Variants in ARAP2 observed in about 807,000 individuals in gnomAD.
The protein encoded by ARAP2 is arf-GAP with Rho-GAP domain, ANK repeat and PH domain-containing protein 2.
Under a neutral mutation model 194.5 loss-of-function variants are expected in ARAP2, and 148 were observed. The observed-to-expected ratio is 0.76, with a 90% CI of 0.67 to 0.87. The LOEUF (loss-of-function observed/expected upper bound fraction) is 0.87, where lower values mean the gene tolerates loss of function less well. Ranked by LOEUF, ARAP2 falls within the 40% of genes least tolerant of loss-of-function variation. The probability of loss-of-function intolerance (pLI) is 0.00; values close to 1 mark genes in which losing one functional copy is unlikely to be tolerated. For missense variants in ARAP2, 2,128 were observed against 1,989.7 expected, an observed-to-expected ratio of 1.07 and a Z score of -1.32; for synonymous variants, 695 against 683.5, an observed-to-expected ratio of 1.02 and a Z score of -0.26.
intron 4 of ARAP2, 119 bp from the exon 5 acceptor site, chr4:36,212,606 A>C: frequency 3.4e-6 from 2 of 592,904 alleles, no homozygotes; most frequent in Non-Finnish European, 5.9e-6. Flanking sequence ...AGTTTTATTA[A>C]ATAAGTCTAA....
intron 27 of ARAP2, among the ~76,000 whole-genome samples, chr4:36,097,981 A>G (rs1715777737): frequency 6.6e-6 from 1 of 152,126 alleles, no homozygotes. Context: ...GAAACAAAGC[A>G]GAATGGCCAA....
At chr4:36,076,602 C>G (rs914651298) in intron 31 of ARAP2, among the ~76,000 whole-genome samples, 1 of 151,904 alleles carries the variant, frequency 6.6e-6, no homozygotes, top group Admixed American at 6.6e-5. Context: ...TTCTCTCTCT[C>G]TCCCCAACCC....
chr4:36,044,039 G>C (rs1052067311), intron 5 of ARAP2, among the ~76,000 whole-genome samples: 1 of 152,016 alleles, frequency 6.6e-6, no homozygotes, highest in Non-Finnish European at 1.5e-5. Context: ...CAGGAAATGC[G>C]CACCAGTATG....
chr4:36,005,726 T>C (rs1258395630), intron 10 of ARAP2: 1 of 152,182 alleles, frequency 6.6e-6, no homozygotes, highest in African/African-American at 2.4e-5. Flanking sequence ...GTCTTTCACA[T>C]AGCCCTTAAG....
At chr4:36,026,082 T>C (rs984568718) in intron 5 of ARAP2, among the ~76,000 whole-genome samples, 1 of 152,170 alleles carries the variant, frequency 6.6e-6, no homozygotes, top group Non-Finnish European at 1.5e-5. Context: ...TACTCAAAAA[T>C]TTCTTTCTCA....
intron 21 of ARAP2, among the ~76,000 whole-genome samples, chr4:36,125,531 C>A (rs929961710): frequency 6.6e-6 from 1 of 151,886 alleles, no homozygotes; most frequent in Admixed American, 6.6e-5. Context: ...GTTGAGAGTG[C>A]AATGGAAGAA....
intron 2 of ARAP2, among the ~76,000 whole-genome samples, chr4:36,219,919 A>G (rs1364815857): frequency 6.6e-6 from 1 of 152,162 alleles, no homozygotes; most frequent in East Asian, 1.9e-4. Flanking sequence ...ATAAGATTGC[A>G]ATTTTTTAAG....
intron 19 of ARAP2, among the ~76,000 whole-genome samples, chr4:36,136,929 C>CGT (rs1726950932): frequency 1.5e-4 from 4 of 26,368 alleles, no homozygotes; most frequent in African/African-American, 7.2e-4. Context: ...TACACGCGCG[C>CGT]GCGCACACAC....
At chr4:36,150,785 T>A in intron 16 of ARAP2, 115 bp downstream of exon 16, 1 of 1,173,200 alleles carries the variant, frequency 8.5e-7, no homozygotes, top group Non-Finnish European at 1.2e-6. Context: ...TCAAAAACCA[T>A]TCAACCCTTC....
intron 13 of ARAP2, chr4:36,160,085 A>T: frequency 2.0e-6 from 2 of 991,084 alleles, no homozygotes; most frequent in Non-Finnish European, 2.4e-6. Context: ...AACAATAGGA[A>T]CTGTTAGAAT....
intron 7 of ARAP2, among the ~76,000 whole-genome samples, chr4:36,191,845 A>G (rs934120728): frequency 6.6e-6 from 1 of 152,146 alleles, no homozygotes; most frequent in Non-Finnish European, 1.5e-5. Context: ...TGCAGGGGAT[A>G]AAATATCAAG....
intron 6 of ARAP2, among the ~76,000 whole-genome samples, chr4:36,201,467 G>A (rs1217883205): frequency 1.3e-5 from 2 of 152,136 alleles, no homozygotes; most frequent in East Asian, 3.8e-4. Context: ...ACATTAGCCT[G>A]AGTTTTATCT....
At chr4:36,098,299 T>G (rs1715883151) in intron 27 of ARAP2, among the ~76,000 whole-genome samples, 1 of 152,084 alleles carries the variant, frequency 6.6e-6, no homozygotes, top group Non-Finnish European at 1.5e-5. Flanking sequence ...GCAATTCTCT[T>G]TGGGACTCAA....
At chr4:36,226,252 G>C (rs1750281059) in intron 2 of ARAP2, among the ~76,000 whole-genome samples, 1 of 151,934 alleles carries the variant, frequency 6.6e-6, no homozygotes, top group Non-Finnish European at 1.5e-5. Flanking sequence ...ATTGAATAAC[G>C]AGCTTTTCAT....
intron 2 of ARAP2, among the ~76,000 whole-genome samples, chr4:36,219,194 C>A (rs754097316): frequency 5.3e-5 from 8 of 152,168 alleles, no homozygotes; most frequent in Non-Finnish European, 8.8e-5. Flanking sequence ...ATATACATGT[C>A]CCATGACACA....
At chr4:36,077,783 T>G (rs1027796058) in intron 31 of ARAP2, among the ~76,000 whole-genome samples, 1 of 152,166 alleles carries the variant, frequency 6.6e-6, no homozygotes, top group Non-Finnish European at 1.5e-5. Context: ...CTACATAATT[T>G]GTCACAAGCC....
intron 20 of ARAP2, 23 bp from the exon 21 acceptor site, chr4:36,128,768 A>G: frequency 6.4e-7 from 1 of 1,555,922 alleles, no homozygotes. Flanking sequence ...AAAAAAAGTT[A>G]TACTTTAAAA....
chr4:36,200,298 C>T (rs1744104299), intron 6 of ARAP2, among the ~76,000 whole-genome samples: 1 of 151,404 alleles, frequency 6.6e-6, no homozygotes, highest in South Asian at 2.1e-4. Flanking sequence ...TCTTGTTGCC[C>T]AGGCTGGAGT....
chr4:36,210,849 G>A, intron 5 of ARAP2, 106 bp from the exon 6 acceptor site: 1 of 849,704 alleles, frequency 1.2e-6, no homozygotes, highest in Non-Finnish European at 1.8e-6. Flanking sequence ...CATAAGGCCA[G>A]GAAAATCCTA....
Sources: allele counts gnomAD v4.1 joint callset (sites outside exome capture counted in the v4.1 genomes callset), GRCh38; gene constraint gnomAD v4.1.1; transcripts MANE v1.5; gene names NCBI Gene and HGNC (gene_info 2026-07-23, HGNC 2026-07-21).